Variants in MAST4 observed in about 807,000 individuals in gnomAD.
MAST4 encodes the protein microtubule-associated serine/threonine-protein kinase 4.
MAST4 carries 89 observed loss-of-function variants against 162.7 expected under a neutral mutation model. That is an observed-to-expected ratio of 0.55 (90% CI 0.46 to 0.65). MAST4 has a LOEUF of 0.65. Ranked by LOEUF, MAST4 falls within the 30% of genes least tolerant of loss-of-function variation. The probability of loss-of-function intolerance (pLI) is 0.00; values close to 1 mark genes in which losing one functional copy is unlikely to be tolerated. For synonymous variants in MAST4, 1,479 were observed against 1,361.1 expected (o/e 1.09, Z -1.91); for missense variants, 3,153 against 3,374.0 (o/e 0.93, Z 1.62).
chr5:66,725,535 A>C (rs1316098240), intron 1 of MAST4, among the ~76,000 whole-genome samples: 1 of 152,148 alleles, frequency 6.6e-6, no homozygotes. Context: ...CATGCTGAAA[A>C]AGAGAATATC....
chr5:67,021,423 C>T (rs1004886760), intron 4 of MAST4, among the ~76,000 whole-genome samples: 5 of 152,148 alleles, frequency 3.3e-5, no homozygotes, highest in Admixed American at 6.5e-5. Context: ...GTCTATGCTT[C>T]TTCAAAAGCT....
chr5:67,162,634 C>A lies in MAST4; in HGVS notation c.3813C>A (p.Ala1271=). 6.2e-7 allele frequency: 1 copy of A among 1,613,700 alleles called. No homozygotes were observed. Among genetic ancestry groups the A allele is most frequent in the Non-Finnish European group, 8.5e-7 (1 of 1,179,774 alleles). The change falls in exon 28 of 29, where the codon GCC becomes GCA. Residue 1271 remains alanine (A), a synonymous_variant. Coordinates refer to ENST00000403625, the MANE Select transcript of MAST4 (RefSeq NM_001164664.2). ...ERRRSLFKKL[A]KQPSPLLHTS... ...GGAGATCTCTTTTCAAAAAGCTAGCCAAGCAGCCTTCTCCTTTACTCCACA... is the reference window on the plus strand; with the variant it reads ...GGAGATCTCTTTTCAAAAAGCTAGCAAAGCAGCCTTCTCCTTTACTCCACA...
intron 4 of MAST4, among the ~76,000 whole-genome samples, chr5:66,956,023 A>C (rs1477741486): frequency 6.6e-6 from 1 of 150,600 alleles, no homozygotes; most frequent in Non-Finnish European, 1.5e-5. Flanking sequence ...GGGTCTTGCT[A>C]TGTTGTCCAT....
At chr5:66,924,626 C>T (rs1229957773) in intron 4 of MAST4, among the ~76,000 whole-genome samples, 1 of 152,084 alleles carries the variant, frequency 6.6e-6, no homozygotes, top group Non-Finnish European at 1.5e-5. Context: ...ATCTCCTGAC[C>T]TCGTGATCCG....
At chr5:67,149,923 A>AT (rs528871043) in intron 24 of MAST4, among the ~76,000 whole-genome samples, 6 of 151,802 alleles carry the variant, frequency 4.0e-5, no homozygotes, top group East Asian at 3.9e-4. Context: ...TCCTTGAATA[A>AT]TTTTTTTTCT....
At chr5:66,667,653 T>G (rs1336330058) in intron 1 of MAST4, among the ~76,000 whole-genome samples, 6 of 152,184 alleles carry the variant, frequency 3.9e-5, no homozygotes, top group African/African-American at 1.4e-4. Flanking sequence ...CTCCACCACT[T>G]ATGGTCAGTG....
chr5:67,104,008 C>T (rs1765325148), intron 9 of MAST4, among the ~76,000 whole-genome samples: 1 of 152,174 alleles, frequency 6.6e-6, no homozygotes, highest in Non-Finnish European at 1.5e-5. Context: ...ATTTCACATG[C>T]TGAGGCTGCT....
At chr5:67,078,904 TTATATAAATATATATA>T (rs1762139657) in intron 5 of MAST4, among the ~76,000 whole-genome samples, 1 of 36,356 alleles carries the variant, frequency 2.8e-5, no homozygotes, top group African/African-American at 1.2e-4. Flanking sequence ...TTATATATTT[TTATATAAATATATATA>T]TATATATATA....
At chr5:66,970,238 T>C (rs980380979) in intron 4 of MAST4, among the ~76,000 whole-genome samples, 1 of 152,124 alleles carries the variant, frequency 6.6e-6, no homozygotes, top group Non-Finnish European at 1.5e-5. Flanking sequence ...CTTCCCTTGC[T>C]TAGTAAGAAA....
At chr5:67,156,068 A>T (rs1263913637) in intron 26 of MAST4, among the ~76,000 whole-genome samples, 1 of 151,982 alleles carries the variant, frequency 6.6e-6, no homozygotes, top group African/African-American at 2.4e-5. Flanking sequence ...CAAGAAAAAA[A>T]AAAAAAAAAA....
rs181907355 is a variant in MAST4 at position 66,950,127 on chromosome 5, A to G, written c.674+50145A>G. 3.4e-3 allele frequency among the ~76,000 whole-genome samples: 519 copies of G among 151,862 alleles called. 1 individual carries two copies. Among genetic ancestry groups the G allele is most frequent in the Non-Finnish European group, 4.9e-3 (336 of 67,924 alleles). ...ACCCCACCCTACCCCATATTCCACC[A>G]CCTTAACCACTGTCCTGACTCTAAT... is the stretch of plus-strand genomic sequence containing the variant. On this transcript the variant is annotated intron_variant, in intron 4 of 28. Coordinates refer to ENST00000403625, the MANE Select transcript of MAST4 (RefSeq NM_001164664.2).
Position 66,643,787 on chromosome 5 carries a change from C to G in MAST4, c.363+46769C>G, listed in dbSNP as rs569113138. Among the ~76,000 whole-genome samples the G allele has an allele frequency of 7.3e-5, 11 of 151,614 alleles. No individual in the cohort carries two copies. The South Asian group carries it at 1.3e-3, about 17-fold the overall frequency. ...TTTAAGTCATGATTAAGTTTAAATG[C>G]AAATGGAAAATCCATTTGCATTCCT... is the stretch of plus-strand genomic sequence containing the variant. On this transcript the variant is annotated intron_variant, in intron 1 of 28. Coordinates refer to ENST00000403625, the MANE Select transcript of MAST4 (RefSeq NM_001164664.2).
chr5:66,736,140 A>G (rs1006681168), intron 1 of MAST4, among the ~76,000 whole-genome samples: 1 of 152,130 alleles, frequency 6.6e-6, no homozygotes, highest in Non-Finnish European at 1.5e-5. Context: ...TTACTTGCAT[A>G]CCATTGATCC....
intron 4 of MAST4, among the ~76,000 whole-genome samples, chr5:67,053,920 A>G (rs1227897133): frequency 6.6e-6 from 1 of 152,234 alleles, no homozygotes; most frequent in Non-Finnish European, 1.5e-5. Context: ...AGACACATTT[A>G]TCTTAGGCAT....
intron 1 of MAST4, among the ~76,000 whole-genome samples, chr5:66,693,667 A>T (rs1366118627): frequency 1.9e-5 from 1 of 53,702 alleles, no homozygotes; most frequent in Admixed American, 2.9e-4. Context: ...ATTATTAAAT[A>T]GTGCTAGATG....
At chr5:66,682,688 T>C (rs1028415838) in intron 1 of MAST4, among the ~76,000 whole-genome samples, 1 of 152,216 alleles carries the variant, frequency 6.6e-6, no homozygotes, top group Non-Finnish European at 1.5e-5. Context: ...AATCTACTTA[T>C]CTGAAGAGGT....
At chr5:67,122,003 A>G (rs1581636845) in intron 14 of MAST4, among the ~76,000 whole-genome samples, 1 of 152,074 alleles carries the variant, frequency 6.6e-6, no homozygotes, top group East Asian at 1.9e-4. Flanking sequence ...AAATAATCTA[A>G]TGATATTAAT....
rs1765375022 is a variant in MAST4 at position 67,104,503 on chromosome 5, A to G, written c.1284A>G (p.Lys428=). The change falls in exon 10 of 29, where the codon AAA becomes AAG. Residue 428 remains lysine, a synonymous_variant. Coordinates refer to ENST00000403625, the MANE Select transcript of MAST4 (RefSeq NM_001164664.2). The part of the protein sequence containing the change: ...IIELARDCLD[K]SHQGLITSRY... ...AACTGGCTCGAGATTGCTTGGATAAATCCCACCAGGGCCTCATCACCTCAC... is the reference window on the plus strand; with the variant it reads ...AACTGGCTCGAGATTGCTTGGATAAGTCCCACCAGGGCCTCATCACCTCAC... 3 of 1,613,820 alleles carry G rather than the reference A, an allele frequency of 1.9e-6. No homozygotes were observed. Among genetic ancestry groups the G allele is most frequent in the African/African-American group, 1.3e-5 (1 of 74,922 alleles).
intron 1 of MAST4, among the ~76,000 whole-genome samples, chr5:66,726,587 G>A (rs1751534067): frequency 6.6e-6 from 1 of 151,982 alleles, no homozygotes; most frequent in African/African-American, 2.4e-5. Flanking sequence ...CTTTAAGTTG[G>A]GGACTGACAG....
Sources: allele counts gnomAD v4.1 joint callset (sites outside exome capture counted in the v4.1 genomes callset), GRCh38; gene constraint gnomAD v4.1.1; transcripts MANE v1.5; gene names NCBI Gene and HGNC (gene_info 2026-07-23, HGNC 2026-07-21).